Variants in ITPKA observed in about 807,000 individuals in gnomAD.
ITPKA encodes the protein inositol-trisphosphate 3-kinase A.
ITPKA carries 16 observed loss-of-function variants against 40.7 expected under a neutral mutation model. The ratio of observed to expected loss-of-function variants is 0.39; its 90% CI spans 0.27 to 0.60. The LOEUF is 0.60. ITPKA is among the 20% of genes least tolerant of loss of function. The pLI is 0.50. For missense variants in ITPKA, 540 were observed against 649.3 expected (o/e 0.83, Z 1.83); for synonymous variants, 313 against 289.9 (o/e 1.08, Z -0.81).
chr15:41,493,902 C>T lies in ITPKA; in HGVS notation c.-26C>T. The T allele has an allele frequency of 1.0e-6, 1 of 1,003,264 alleles. No individual in the cohort carries two copies. The highest frequency in any genetic ancestry group is 1.2e-6 in the Non-Finnish European group (1 of 842,874). The allele number at this position is 1,003,264 out of a possible 1,614,324, so 62.1% of individuals were successfully genotyped here. A position where few individuals can be genotyped will look rare whatever the true frequency, so the allele number is the denominator to read the frequency against. On this transcript the variant is annotated 5_prime_UTR_variant, in exon 1 of 7. Coordinates refer to ENST00000260386, the MANE Select transcript of ITPKA (RefSeq NM_002220.3). ...CCCCGGCGCGCCGCGGGCTGGTGGGCTCAGCGGCGGCGCCGGCACTGGGAA... is the reference window on the plus strand; with the variant it reads ...CCCCGGCGCGCCGCGGGCTGGTGGGTTCAGCGGCGGCGCCGGCACTGGGAA...
At chr15:41,500,099 C>G (rs1198628299) in intron 1 of ITPKA, among the ~76,000 whole-genome samples, 1 of 152,056 alleles carries the variant, frequency 6.6e-6, no homozygotes, top group Non-Finnish European at 1.5e-5. Flanking sequence ...TAGCTGGGAC[C>G]ACAGGCGCAT....
chr15:41,502,078 G>A lies in ITPKA; in HGVS notation c.885G>A (p.Val295=), dbSNP rs933063803. 14 of 1,613,108 alleles carry A rather than the reference G, an allele frequency of 8.7e-6. No homozygotes were observed. Among genetic ancestry groups the A allele is most frequent in the Non-Finnish European group, 1.2e-5 (14 of 1,179,900 alleles). Residue 295 remains valine (V), a synonymous_variant, in exon 4 of 7, where the codon GTG becomes GTA. Transcript: ENST00000260386. ...ACATGTACAAGAAAATGCTGGCGGT[G>A]GATCCTGAAGCTCCCACGGAGGAGG... ...RKDMYKKMLA[V]DPEAPTEEEH...
rs1241309513 is a variant in ITPKA at position 41,494,212 on chromosome 15, C to A, written c.285C>A (p.Ser95Arg). Residue 95 changes from serine (S) to arginine (R), a missense_variant, in exon 1 of 7, where the codon AGC (serine) becomes AGA (arginine). Physicochemically the swap from Ser to Arg is moderately radical, Grantham distance 110. Coordinates refer to ENST00000260386, the MANE Select transcript of ITPKA (RefSeq NM_002220.3). This position sits in a 1 kb window ranked among gnomAD's most constrained non-coding sequence, Gnocchi z 7.8. ...TAEEPDVPPT[S>R]PGPPERERDC... The stretch of plus-strand genomic sequence containing the variant: ...AGGAGCCCGACGTGCCCCCGACCAG[C>A]CCTGGGCCGCCGGAGCGGGAGAGGG... 1.3e-6 allele frequency: 2 copies of A among 1,532,724 alleles called. No individual in the cohort carries two copies. Among genetic ancestry groups the A allele is most frequent in the South Asian group, 1.2e-5 (1 of 82,712 alleles). The allele number at this position is 1,532,724 out of a possible 1,614,324, so 94.9% of individuals were successfully genotyped here. A position where few individuals can be genotyped will look rare whatever the true frequency, so the allele number is the denominator to read the frequency against.
rs1246819180 is a variant in ITPKA, at chr15:41,494,937, C to T, written c.489+521C>T. Reference sequence around the variant, plus strand: ...GTCTGCTCCCAGCGCCCGCACGAGGCGTGGACGCAGGGGAGGGAGGGGCGT... The same window carrying T: ...GTCTGCTCCCAGCGCCCGCACGAGGTGTGGACGCAGGGGAGGGAGGGGCGT... On this transcript the variant is annotated intron_variant, in intron 1 of 6. Coordinates refer to ENST00000260386, the MANE Select transcript of ITPKA (RefSeq NM_002220.3). This position sits in a 1 kb window ranked among gnomAD's most constrained non-coding sequence, Gnocchi z 7.8. 6.6e-6 allele frequency among the ~76,000 whole-genome samples: 1 copy of T among 152,230 alleles called. No homozygotes were observed. The highest frequency in any genetic ancestry group is 1.5e-5 in the Non-Finnish European group (1 of 68,038).
At chr15:41,502,536 G>A (rs1332904270) in intron 5 of ITPKA, 33 bp downstream of exon 5, 8 of 1,321,604 alleles carry the variant, frequency 6.1e-6, no homozygotes, top group Admixed American at 1.7e-5. Flanking sequence ...TGAGGTGTTG[G>A]GGAGCCTGAA....
At position 41,501,654 on chromosome 15, in the gene ITPKA, C is replaced by A. The variant is rs1374575603; in HGVS notation, c.606C>A (p.Gly202=). 7 of 1,607,790 alleles carry A rather than the reference C, an allele frequency of 4.4e-6. No homozygotes were observed. In the African/African-American group the frequency reaches 8.0e-5, roughly 18 times the overall value. The change falls in exon 3 of 7, where the codon GGC becomes GGA. Residue 202 remains glycine (G), a synonymous_variant. Transcript: ENST00000260386. ...AGHTGSFKAA[G]TSGLILKRCS... ...CCTCAGGGAGTTTTAAGGCGGCGGGCACCAGCGGGCTGATCCTGAAGCGCT... is the reference window on the plus strand; with the variant it reads ...CCTCAGGGAGTTTTAAGGCGGCGGGAACCAGCGGGCTGATCCTGAAGCGCT...
At chr15:41,497,470 C>T (rs1239569556) in intron 1 of ITPKA, among the ~76,000 whole-genome samples, 1 of 152,188 alleles carries the variant, frequency 6.6e-6, no homozygotes, top group Non-Finnish European at 1.5e-5. Context: ...TCAAGTGATG[C>T]ATCTGCCTTG....
Position 41,502,015 on chromosome 15 carries a change from G to C in ITPKA, c.822G>C (p.Glu274Asp). The stretch of plus-strand genomic sequence containing the variant: ...CCCACAGGACTTACCTAGAGGAGGA[G>C]CTGACCAAGGCCCGTGAGCGGCCCA... ...KMGVRTYLEE[E>D]LTKARERPKL... The change falls in exon 4 of 7, where the codon GAG (glutamate) becomes GAC (aspartate). Residue 274 changes from glutamate (E) to aspartate (D), a missense_variant. By Grantham distance (45) the Glu-to-Asp change is conservative. Coordinates refer to ENST00000260386, the MANE Select transcript of ITPKA (RefSeq NM_002220.3). 6.2e-7 allele frequency: 1 copy of C among 1,613,330 alleles called. No homozygotes were observed.
Position 41,503,466 on chromosome 15 carries a change from G to C in ITPKA, c.*300G>C. 1 of 629,398 alleles carries C rather than the reference G, an allele frequency of 1.6e-6. No homozygotes were observed. Among genetic ancestry groups the C allele is most frequent in the East Asian group, 3.3e-5 (1 of 29,948 alleles). The allele number at this position is 629,398 out of a possible 1,614,324, so 39.0% of individuals were successfully genotyped here. On this transcript the variant is annotated 3_prime_UTR_variant, in exon 7 of 7. Coordinates refer to ENST00000260386, the MANE Select transcript of ITPKA (RefSeq NM_002220.3). ...GCCCTCTCCAGAGGTGCCAGACCGCGGATTTTATTTAGCAAGCCCAGACCT... is the reference window on the plus strand; with the variant it reads ...GCCCTCTCCAGAGGTGCCAGACCGCCGATTTTATTTAGCAAGCCCAGACCT...
chr15:41,502,360 C>T (rs1296685072), intron 4 of ITPKA, 42 bp from the exon 5 acceptor site: 4 of 1,462,436 alleles, frequency 2.7e-6, no homozygotes, highest in East Asian at 4.6e-5. Context: ...CTCTTCCCCA[C>T]TGGCGGGCCC....
Position 41,502,482 on chromosome 15 carries a change from G to A in ITPKA, c.1089G>A (p.Val363=). The part of the protein sequence containing the change: ...EQVLRVFEEF[V]QGDEEVLRRY... ...TGCTTCGCGTCTTTGAAGAGTTTGT[G>A]CAAGGAGATGAGGAAGTGCTGGTGA... The change falls in exon 5 of 7, where the codon GTG becomes GTA. Residue 363 remains valine (V), a synonymous_variant. Transcript: ENST00000260386. 3 of 1,593,996 alleles carry A rather than the reference G, an allele frequency of 1.9e-6. No homozygotes were observed. Among genetic ancestry groups the A allele is most frequent in the Non-Finnish European group, 2.6e-6 (3 of 1,162,514 alleles).
chr15:41,502,150 G>A lies in ITPKA; in HGVS notation c.957G>A (p.Arg319=), dbSNP rs768846431. The A allele has an allele frequency of 6.9e-6, 11 of 1,604,016 alleles. No individual in the cohort carries two copies. The African/African-American group carries it at 1.3e-4, about 19-fold the overall frequency. ...CCAAGCCGCGCTACATGCAGTGGCGGGAAGGCATCAGCTCCAGCACCACCC... is the reference window on the plus strand; with the variant it reads ...CCAAGCCGCGCTACATGCAGTGGCGAGAAGGCATCAGCTCCAGCACCACCC... ...AVTKPRYMQW[R]EGISSSTTLG... The change falls in exon 4 of 7, where the codon CGG becomes CGA. Residue 319 remains arginine, a synonymous_variant. Transcript: ENST00000260386.
At chr15:41,499,807 C>G (rs759726518) in intron 1 of ITPKA, among the ~76,000 whole-genome samples, 8 of 152,026 alleles carry the variant, frequency 5.3e-5, no homozygotes, top group Non-Finnish European at 8.8e-5. Flanking sequence ...AGGAGAGGTC[C>G]AGAGGATGGG....
chr15:41,496,046 C>A (rs1221828568), intron 1 of ITPKA, among the ~76,000 whole-genome samples: 3 of 152,260 alleles, frequency 2.0e-5, no homozygotes, highest in African/African-American at 7.2e-5. Flanking sequence ...AAGGCTGCGG[C>A]TTCCAGGCCT....
intron 5 of ITPKA, 71 bp downstream of exon 5, chr15:41,502,574 C>T (rs2051124879): frequency 1.3e-5 from 13 of 1,022,654 alleles, no homozygotes; most frequent in Admixed American, 8.8e-5. Context: ...TCATCTGGCC[C>T]AGTGCCCTCG....
At chr15:41,502,273 GC>G in intron 4 of ITPKA, 72 bp downstream of exon 4, 6 of 1,065,314 alleles carry the variant, frequency 5.6e-6, no homozygotes, top group Non-Finnish European at 7.8e-6. Flanking sequence ...CCCCGCTCCC[GC>G]CCCGCCTGCC....
At chr15:41,500,441 T>A (rs528377291) in intron 1 of ITPKA, among the ~76,000 whole-genome samples, 4 of 152,314 alleles carry the variant, frequency 2.6e-5, no homozygotes, top group African/African-American at 9.6e-5. Context: ...GCCCTGGGCC[T>A]GTGTACAGGT....
At chr15:41,498,630 A>G (rs1295048753) in intron 1 of ITPKA, among the ~76,000 whole-genome samples, 3 of 152,208 alleles carry the variant, frequency 2.0e-5, no homozygotes, top group Admixed American at 6.6e-5. Flanking sequence ...TGGTCCCACT[A>G]TCCCCTAAAT....
intron 3 of ITPKA, 65 bp from the exon 4 acceptor site, chr15:41,501,932 C>T (rs1017890684): frequency 2.5e-6 from 4 of 1,586,812 alleles, no homozygotes; most frequent in Non-Finnish European, 2.6e-6. Flanking sequence ...GGACCCGGGG[C>T]GAGTGCTCGA....
Sources: gnomAD v4.1 joint callset for allele counts (sites outside exome capture counted in the v4.1 genomes callset) on GRCh38, gnomAD v4.1.1 for gene constraint, Gnocchi (gnomAD v3.1) non-coding constraint, MANE v1.5 for transcripts, NCBI Gene and HGNC (gene_info 2026-07-23, HGNC 2026-07-21) for gene names.